The following GSK3B variants were observed in gnomAD, a reference collection of about 807,000 sequenced individuals.
GSK3B encodes glycogen synthase kinase-3 beta.
A neutral mutation model predicts 56.4 loss-of-function variants in GSK3B; 15 were observed. The ratio of observed to expected loss-of-function variants is 0.27; its 90% CI spans 0.18 to 0.41. GSK3B has a LOEUF of 0.41. Ranked by LOEUF, GSK3B falls within the 10% of genes least tolerant of loss-of-function variation. GSK3B has a pLI of 1.00. For missense variants in GSK3B, 300 were observed against 513.4 expected (o/e 0.58, Z 4.02); for synonymous variants, 181 against 188.9 (o/e 0.96, Z 0.34).
rs551123162 is a variant in GSK3B at position 119,955,553 on chromosome 3, T to C, written c.283-8202A>G. On this transcript the variant is annotated intron_variant, in intron 2 of 10. Transcript: ENST00000264235. ...TAAGAAAAATTTGCTTATTAATTTG[T>C]AAAATTCTGGAATGGGGTCAGGTGG... 4.6e-5 allele frequency among the ~76,000 whole-genome samples: 7 copies of C among 152,316 alleles called. No homozygotes were observed. The South Asian group carries it at 1.4e-3, about 32-fold the overall frequency.
rs374397864 is a variant in GSK3B, at chr3:120,021,190, C to T, written c.89-18951G>A. ...CACTGATGAAGATAACTACACTAAACAACTTCTAGATGCCATTAAGAATAT... is the reference window on the plus strand; with the variant it reads ...CACTGATGAAGATAACTACACTAAATAACTTCTAGATGCCATTAAGAATAT... On this transcript the variant is annotated intron_variant, in intron 1 of 10. Coordinates refer to ENST00000264235, the MANE Select transcript of GSK3B (RefSeq NM_001146156.2). Among the ~76,000 whole-genome samples, 8 of 152,208 alleles carry T rather than the reference C, an allele frequency of 5.3e-5. No individual in the cohort carries two copies. The East Asian group carries it at 1.4e-3, about 26-fold the overall frequency.
intron 7 of GSK3B, among the ~76,000 whole-genome samples, chr3:119,898,086 C>CAGCCT (rs1379151720): frequency 4.6e-5 from 7 of 152,158 alleles, no homozygotes; most frequent in Admixed American, 1.3e-4. Flanking sequence ...AATCACAGCT[C>CAGCCT]AGCCTAGACT....
At chr3:119,907,487 C>T (rs1047173848) in intron 6 of GSK3B, among the ~76,000 whole-genome samples, 1 of 152,116 alleles carries the variant, frequency 6.6e-6, no homozygotes, top group African/African-American at 2.4e-5. Flanking sequence ...AAACAAGGTA[C>T]TTATCAATCA....
At chr3:120,061,453 T>C (rs1416298711) in intron 1 of GSK3B, among the ~76,000 whole-genome samples, 1 of 152,226 alleles carries the variant, frequency 6.6e-6, no homozygotes, top group African/African-American at 2.4e-5. Context: ...TATCAATTTA[T>C]TTCAATGTAA....
chr3:119,930,967 C>T (rs958123789), intron 3 of GSK3B, among the ~76,000 whole-genome samples: 2 of 152,166 alleles, frequency 1.3e-5, no homozygotes, highest in African/African-American at 4.8e-5. Context: ...TAATTTACTA[C>T]ACTATGAGAA....
intron 2 of GSK3B, among the ~76,000 whole-genome samples, chr3:119,971,617 T>TTTTG (rs2057367381): frequency 7.6e-6 from 1 of 131,230 alleles, no homozygotes. Flanking sequence ...TTTTTTTTTT[T>TTTTG]TTTTTTTTTT....
rs572948226 is a variant in GSK3B, at chr3:119,867,458, ACT to A, written c.910-3855_910-3854del. Among the ~76,000 whole-genome samples, 45 of 151,948 alleles carry A rather than the reference ACT, an allele frequency of 3.0e-4. No individual in the cohort carries two copies. The East Asian group carries it at 8.3e-3, about 28-fold the overall frequency. Reference sequence around the variant, plus strand: ...AGAACATTTTTTCCTCTTTGGAAAAACTCTCTGAAAAAATAAATCCTACATCT... The same window carrying A: ...AGAACATTTTTTCCTCTTTGGAAAAACTCTGAAAAAATAAATCCTACATCT... On this transcript the variant is annotated intron_variant, in intron 8 of 10. Coordinates refer to ENST00000264235, the MANE Select transcript of GSK3B (RefSeq NM_001146156.2).
Position 120,002,043 on chromosome 3 carries a change from T to TA in GSK3B, c.282+2dup. On this transcript the variant is annotated splice_region_variant and intron_variant, in intron 2 of 10. Transcript: ENST00000264235. ...AAAATATATGAAATACTGGACATTT[T>TA]ACCTTAAATCTCTTGTCCTGCAATA... The TA allele has an allele frequency of 6.3e-7, 1 of 1,576,130 alleles. No individual in the cohort carries two copies.
intron 10 of GSK3B, among the ~76,000 whole-genome samples, chr3:119,834,567 A>G (rs985017597): frequency 6.6e-6 from 1 of 152,188 alleles, no homozygotes; most frequent in African/African-American, 2.4e-5. Context: ...GAAAGGGCAC[A>G]TTGTATTTAA....
intron 7 of GSK3B, among the ~76,000 whole-genome samples, chr3:119,877,337 T>C (rs967042933): frequency 6.6e-5 from 10 of 152,176 alleles, no homozygotes; most frequent in African/African-American, 2.4e-4. Flanking sequence ...GAGTCCCTTA[T>C]ATAAAATGGC....
intron 1 of GSK3B, among the ~76,000 whole-genome samples, chr3:120,025,784 G>A (rs980015150): frequency 4.6e-5 from 7 of 152,086 alleles, no homozygotes; most frequent in African/African-American, 9.7e-5. Context: ...GGACACATGC[G>A]GCAGAGAGGC....
chr3:119,953,368 A>C (rs1276583809), intron 2 of GSK3B, among the ~76,000 whole-genome samples: 2 of 152,234 alleles, frequency 1.3e-5, no homozygotes, highest in African/African-American at 2.4e-5. Context: ...TAAAATGTGA[A>C]AGAGCTAAGC....
At chr3:119,909,038 GA>G (rs755906308) in intron 6 of GSK3B, among the ~76,000 whole-genome samples, 8 of 152,152 alleles carry the variant, frequency 5.3e-5, no homozygotes, top group Non-Finnish European at 1.2e-4. Flanking sequence ...GTTGTTTTGA[GA>G]GGGGGGGTCT....
At chr3:119,988,901 A>G (rs553253291) in intron 2 of GSK3B, among the ~76,000 whole-genome samples, 2 of 152,370 alleles carry the variant, frequency 1.3e-5, no homozygotes, top group South Asian at 4.1e-4. Flanking sequence ...GTCTTTTAAT[A>G]AAAATGGGAA....
At chr3:120,082,878 C>G (rs974447640) in intron 1 of GSK3B, among the ~76,000 whole-genome samples, 11 of 151,980 alleles carry the variant, frequency 7.2e-5, no homozygotes, top group Admixed American at 7.2e-4. Context: ...GTCTATTTTT[C>G]AAAGTGGTTC....
chr3:119,956,981 T>A (rs926381483), intron 2 of GSK3B, among the ~76,000 whole-genome samples: 6 of 152,332 alleles, frequency 3.9e-5, no homozygotes, highest in African/African-American at 1.4e-4. Flanking sequence ...TACAACAATA[T>A]GTGTAAGAAT....
chr3:119,850,918 A>G (rs1244210176), intron 9 of GSK3B, among the ~76,000 whole-genome samples: 1 of 152,174 alleles, frequency 6.6e-6, no homozygotes, highest in Non-Finnish European at 1.5e-5. Context: ...AGTGAGAGGA[A>G]AATGAAAAAT....
intron 10 of GSK3B, among the ~76,000 whole-genome samples, chr3:119,834,397 A>G (rs534988927): frequency 1.1e-4 from 16 of 152,370 alleles, no homozygotes; most frequent in Non-Finnish European, 2.1e-4. Context: ...GATGTGGCAC[A>G]GAACACTAAG....
At chr3:119,913,459 T>A (rs375441316) in intron 5 of GSK3B, among the ~76,000 whole-genome samples, 1 of 152,080 alleles carries the variant, frequency 6.6e-6, no homozygotes, top group East Asian at 1.9e-4. Flanking sequence ...CCAATTTTCC[T>A]ACTAAAATAC....
Sources: gnomAD v4.1 joint callset for allele counts (sites outside exome capture counted in the v4.1 genomes callset) on GRCh38, gnomAD v4.1.1 for gene constraint, MANE v1.5 for transcripts, NCBI Gene and HGNC (gene_info 2026-07-23, HGNC 2026-07-21) for gene names.